APP: variants seen among roughly 807,000 people sequenced by gnomAD.
APP encodes the protein amyloid-beta precursor protein.
In APP, 31 loss-of-function variants were observed where a neutral mutation model predicts 101.4. The ratio of observed to expected loss-of-function variants is 0.31; its 90% CI spans 0.23 to 0.41. The LOEUF (loss-of-function observed/expected upper bound fraction) is 0.41. Ranked by LOEUF, APP falls within the 10% of genes least tolerant of loss-of-function variation. The pLI, the probability that APP is intolerant of heterozygous loss-of-function variation, is 1.00. For missense variants in APP, 839 were observed against 1,003.7 expected (o/e 0.84, Z 2.22); for synonymous variants, 366 against 364.4 (o/e 1.00, Z -0.05).
At chr21:26,129,057 G>A (rs1179767925) in intron 1 of APP, among the ~76,000 whole-genome samples, 1 of 152,194 alleles carries the variant, frequency 6.6e-6, no homozygotes, top group African/African-American at 2.4e-5. Context: ...CAAGAAAAGA[G>A]AGGATTAGAA....
At chr21:25,949,183 T>C (rs2040957945) in intron 13 of APP, among the ~76,000 whole-genome samples, 1 of 152,110 alleles carries the variant, frequency 6.6e-6, no homozygotes, top group Non-Finnish European at 1.5e-5. Context: ...AATTATAAAA[T>C]AAAACACGGG....
At chr21:25,945,356 T>C (rs2040762864) in intron 13 of APP, among the ~76,000 whole-genome samples, 1 of 143,956 alleles carries the variant, frequency 6.9e-6, no homozygotes, top group Admixed American at 7.4e-5. Flanking sequence ...CCCAAAATGA[T>C]CTACAGATCC....
intron 3 of APP, among the ~76,000 whole-genome samples, chr21:26,062,242 C>CAG (rs2046298734): frequency 6.6e-6 from 1 of 150,698 alleles, no homozygotes; most frequent in Non-Finnish European, 1.5e-5. Flanking sequence ...CACACACACA[C>CAG]ACACACACAC....
chr21:25,984,467 T>G (rs1003619083), intron 8 of APP, among the ~76,000 whole-genome samples: 3 of 152,194 alleles, frequency 2.0e-5, no homozygotes, highest in Non-Finnish European at 2.9e-5. Flanking sequence ...ATTTGTAAGA[T>G]TGAAACAATA....
intron 5 of APP, among the ~76,000 whole-genome samples, chr21:26,046,089 GC>G (rs887122796): frequency 1.4e-4 from 22 of 151,812 alleles, no homozygotes; most frequent in Non-Finnish European, 1.5e-5. Flanking sequence ...GGAAAGACTT[GC>G]CCCCATGATT....
chr21:26,034,403 G>A (rs1362476179), intron 5 of APP, among the ~76,000 whole-genome samples: 1 of 152,124 alleles, frequency 6.6e-6, no homozygotes, highest in Non-Finnish European at 1.5e-5. Context: ...CCAGCACTCT[G>A]GGAGGCTGAG....
At chr21:25,946,559 G>A (rs1422452088) in intron 13 of APP, among the ~76,000 whole-genome samples, 1 of 152,086 alleles carries the variant, frequency 6.6e-6, no homozygotes, top group Non-Finnish European at 1.5e-5. Context: ...CCAACTACTG[G>A]GGAGGCTGAG....
chr21:26,046,000 A>AG (rs150187888), intron 5 of APP, among the ~76,000 whole-genome samples: 2,736 of 152,208 alleles, frequency 0.018, 79 homozygotes, highest in African/African-American at 0.061. Flanking sequence ...AGGCAAAGAG[A>AG]GAGAACTTGT....
chr21:25,884,165 C>G (rs1482610287), intron 17 of APP, among the ~76,000 whole-genome samples: 1 of 152,210 alleles, frequency 6.6e-6, no homozygotes, highest in Non-Finnish European at 1.5e-5. Flanking sequence ...AGGCATGAGC[C>G]GCCATGGCCA....
intron 1 of APP, among the ~76,000 whole-genome samples, chr21:26,126,988 A>G (rs939762572): frequency 6.6e-6 from 1 of 151,970 alleles, no homozygotes; most frequent in Non-Finnish European, 1.5e-5. Flanking sequence ...AAAAAAAAAA[A>G]ACGTTAATTT....
intron 2 of APP, among the ~76,000 whole-genome samples, chr21:26,094,100 G>C (rs1285505062): frequency 6.7e-6 from 1 of 148,348 alleles, no homozygotes; most frequent in Non-Finnish European, 1.5e-5. Context: ...TGGTGACAGA[G>C]CGAGACTCGG....
At chr21:26,027,559 G>C (rs904167719) in intron 5 of APP, among the ~76,000 whole-genome samples, 1 of 152,066 alleles carries the variant, frequency 6.6e-6, no homozygotes, top group African/African-American at 2.4e-5. Flanking sequence ...AAACACAAGG[G>C]GACACATCAC....
intron 15 of APP, among the ~76,000 whole-genome samples, chr21:25,903,249 G>A (rs2038602915): frequency 6.6e-6 from 1 of 151,208 alleles, no homozygotes; most frequent in Admixed American, 6.6e-5. Flanking sequence ...CGCATCTGTA[G>A]TCCCAGCTAC....
At chr21:25,994,826 C>T (rs574033337) in intron 8 of APP, among the ~76,000 whole-genome samples, 3 of 152,310 alleles carry the variant, frequency 2.0e-5, no homozygotes, top group Non-Finnish European at 4.4e-5. Context: ...TTTTTCAAAT[C>T]AAATGTGCAG....
rs117188512 is a variant in APP, at chr21:25,945,541, C to T, written c.1687+9049G>A. The T allele has an allele frequency of 2.7e-3, 424 of 155,632 alleles. 2 individuals are homozygous for T. Among genetic ancestry groups the T allele is most frequent in the Non-Finnish European group, 5.1e-3 (359 of 70,192 alleles). The allele number at this position is 155,632 out of a possible 1,614,324, so 9.6% of individuals were successfully genotyped here. On this transcript the variant is annotated intron_variant, in intron 13 of 17. Transcript: ENST00000346798. ...TCACACTTGCTGATTTCAAAATTTACTACAAAGCTACAATAATCAAAACAG... is the reference window on the plus strand; with the variant it reads ...TCACACTTGCTGATTTCAAAATTTATTACAAAGCTACAATAATCAAAACAG...
At chr21:25,979,186 A>C (rs2042332215) in intron 9 of APP, among the ~76,000 whole-genome samples, 1 of 152,212 alleles carries the variant, frequency 6.6e-6, no homozygotes, top group African/African-American at 2.4e-5. Flanking sequence ...GCAACAACAA[A>C]CCAAAATATG....
rs1405037004 is a variant in APP at position 26,106,573 on chromosome 21, ACTCTTGGGCCCAAGCGATCCTCTCACT to A, written c.225+5379_225+5405del. Among the ~76,000 whole-genome samples, 256 of 151,914 alleles carry A rather than the reference ACTCTTGGGCCCAAGCGATCCTCTCACT, an allele frequency of 1.7e-3. 1 individual carries two copies. The highest frequency in any genetic ancestry group is 0.01 in the Middle Eastern group (3 of 294). On this transcript the variant is annotated intron_variant, in intron 2 of 17. Transcript: ENST00000346798. ...TAGTCATAGCTTACTGTAACCTTGT[ACTCTTGGGCCCAAGCGATCCTCTCACT>A]CAAAGCGCTGCGACTACAGGTCTGA... is the stretch of plus-strand genomic sequence containing the variant.
At chr21:26,048,332 A>C (rs925016968) in intron 5 of APP, among the ~76,000 whole-genome samples, 4 of 152,194 alleles carry the variant, frequency 2.6e-5, no homozygotes, top group Non-Finnish European at 5.9e-5. Flanking sequence ...TAAAAAAAGA[A>C]AACGAAAAAG....
At chr21:26,113,861 T>C (rs2062379348) in intron 1 of APP, among the ~76,000 whole-genome samples, 1 of 152,170 alleles carries the variant, frequency 6.6e-6, no homozygotes, top group African/African-American at 2.4e-5. Flanking sequence ...CTGAAATAAG[T>C]AGTATAGATA....
Sources: allele counts gnomAD v4.1 joint callset (sites outside exome capture counted in the v4.1 genomes callset), GRCh38; gene constraint gnomAD v4.1.1; transcripts MANE v1.5; gene names NCBI Gene and HGNC (gene_info 2026-07-23, HGNC 2026-07-21).